PLCB4: variants seen among roughly 807,000 people sequenced by gnomAD.
PLCB4 encodes the protein 1-phosphatidylinositol 4,5-bisphosphate phosphodiesterase beta-4.
In PLCB4, 77 loss-of-function variants were observed where a neutral mutation model predicts 178.8. The ratio of observed to expected loss-of-function variants is 0.43; its 90% CI spans 0.36 to 0.52. The LOEUF (loss-of-function observed/expected upper bound fraction) is 0.52, where lower values mean the gene tolerates loss of function less well. PLCB4 is among the 20% of genes least tolerant of loss of function. PLCB4 has a pLI of 0.00. For synonymous variants in PLCB4, 496 were observed against 490.8 expected, an observed-to-expected ratio of 1.01 and a Z score of -0.14; for missense variants, 1,024 against 1,453.4, an observed-to-expected ratio of 0.70 and a Z score of 4.80.
chr20:9,292,457 C>T (rs551036109), intron 3 of PLCB4, among the ~76,000 whole-genome samples: 1 of 152,222 alleles, frequency 6.6e-6, no homozygotes, highest in Non-Finnish European at 1.5e-5. Context: ...CATCACGCAC[C>T]TCATGAGGAC....
Position 9,472,833 on chromosome 20 carries a change from GAAGA to G in PLCB4, c.3403_3406del (p.Lys1135AspfsTer4), listed in dbSNP as rs1397389504. 1.3e-6 allele frequency: 2 copies of G among 1,592,404 alleles called. No individual in the cohort carries two copies. The highest frequency in any genetic ancestry group is 1.1e-5 in the South Asian group (1 of 88,800). On this transcript the variant is annotated frameshift_variant, in exon 37 of 40. Transcript: ENST00000378473. LOFTEE classifies it high-confidence loss of function. The stretch of plus-strand genomic sequence containing the variant: ...CAGCAGCAACACTAAAAAGTTTCTG[GAAGA>G]AAGAAAGAGAGTAAGTATTTTATTA...
intron 3 of PLCB4, among the ~76,000 whole-genome samples, chr20:9,304,543 AGTT>A (rs1249468875): frequency 5.3e-5 from 8 of 152,286 alleles, no homozygotes; most frequent in African/African-American, 1.9e-4. Context: ...GAGTTATTTA[AGTT>A]GTTGTACTAA....
chr20:9,173,255 G>GA (rs1426746847), intron 2 of PLCB4, among the ~76,000 whole-genome samples: 2 of 152,172 alleles, frequency 1.3e-5, no homozygotes, highest in African/African-American at 4.8e-5. Flanking sequence ...AAAATAAAGA[G>GA]CAGTAGTCAA....
At chr20:9,147,356 A>C (rs969270139) in intron 2 of PLCB4, among the ~76,000 whole-genome samples, 1 of 152,160 alleles carries the variant, frequency 6.6e-6, no homozygotes, top group African/African-American at 2.4e-5. Context: ...TATTCCAAGG[A>C]ATATGTATCC....
At chr20:9,413,454 T>A (rs1356370943) in intron 25 of PLCB4, among the ~76,000 whole-genome samples, 1 of 151,844 alleles carries the variant, frequency 6.6e-6, no homozygotes, top group Non-Finnish European at 1.5e-5. Flanking sequence ...GGTTAGGAGA[T>A]CGAGACCATC....
At chr20:9,274,985 T>G (rs1209937458) in intron 3 of PLCB4, among the ~76,000 whole-genome samples, 3 of 152,042 alleles carry the variant, frequency 2.0e-5, no homozygotes, top group Admixed American at 1.3e-4. Context: ...TTCAGAACTC[T>G]TTGAATGTAA....
At chr20:9,143,699 C>T (rs2092539648) in intron 2 of PLCB4, among the ~76,000 whole-genome samples, 1 of 152,052 alleles carries the variant, frequency 6.6e-6, no homozygotes, top group African/African-American at 2.4e-5. Flanking sequence ...GGCTTTTAAA[C>T]TCTCAGCTGA....
At chr20:9,149,532 C>G (rs918698524) in intron 2 of PLCB4, among the ~76,000 whole-genome samples, 1 of 152,146 alleles carries the variant, frequency 6.6e-6, no homozygotes, top group African/African-American at 2.4e-5. Context: ...CTTCTTGCAA[C>G]GTACTGTGCA....
At position 9,148,795 on chromosome 20, in the gene PLCB4, T is replaced by C. The variant is rs559831583; in HGVS notation, c.-79+52453T>C. On this transcript the variant is annotated intron_variant, in intron 2 of 39. Transcript: ENST00000378473. ...AGTAGCTGTTTTCGTGATGGAAATA[T>C]TTCTGGTCCAACAGATGTGTTTCCC... 2.1e-3 allele frequency among the ~76,000 whole-genome samples: 321 copies of C among 152,348 alleles called. 1 individual carries two copies. The highest frequency in any genetic ancestry group is 3.3e-3 in the Non-Finnish European group (226 of 68,024).
At chr20:9,468,079 T>C (rs1487728819) in intron 35 of PLCB4, among the ~76,000 whole-genome samples, 2 of 152,114 alleles carry the variant, frequency 1.3e-5, no homozygotes, top group Non-Finnish European at 2.9e-5. Context: ...ACATTTTCTC[T>C]CTCTCTTCCA....
chr20:9,194,010 T>TAAA (rs1348688812), intron 2 of PLCB4, among the ~76,000 whole-genome samples: 3 of 151,398 alleles, frequency 2.0e-5, no homozygotes, highest in African/African-American at 7.3e-5. Flanking sequence ...CTTTTTTTTT[T>TAAA]AAAAAAAATT....
intron 3 of PLCB4, among the ~76,000 whole-genome samples, chr20:9,226,879 G>A (rs1026114301): frequency 6.6e-6 from 1 of 152,126 alleles, no homozygotes; most frequent in African/African-American, 2.4e-5. Flanking sequence ...TTTACACAGT[G>A]ACATTTCTGT....
chr20:9,102,416 C>A (rs962531137), intron 2 of PLCB4, among the ~76,000 whole-genome samples: 1 of 152,046 alleles, frequency 6.6e-6, no homozygotes, highest in Non-Finnish European at 1.5e-5. Flanking sequence ...GCAGCAAATG[C>A]GGTGGTTCGA....
rs571265251 is a variant in PLCB4, at chr20:9,182,311, C to T, written c.-78-35079C>T. ...TTCTTATCCTTAGGCTATCAATCAC[C>T]TGCTTCTGGGGCTCTCACAGTTAAA... On this transcript the variant is annotated intron_variant, in intron 2 of 39. Coordinates refer to ENST00000378473, the MANE Select transcript of PLCB4 (RefSeq NM_001377142.1). Among the ~76,000 whole-genome samples, 51 of 152,260 alleles carry T rather than the reference C, an allele frequency of 3.3e-4. 1 individual carries two copies. The highest frequency in any genetic ancestry group is 1.2e-3 in the African/African-American group (49 of 41,542).
At chr20:9,250,924 T>G (rs2094173987) in intron 3 of PLCB4, among the ~76,000 whole-genome samples, 1 of 152,250 alleles carries the variant, frequency 6.6e-6, no homozygotes, top group Non-Finnish European at 1.5e-5. Context: ...TAATCAACAA[T>G]ACTTTCAGAA....
At chr20:9,391,918 T>G (rs1440328415) in intron 17 of PLCB4, among the ~76,000 whole-genome samples, 1 of 152,228 alleles carries the variant, frequency 6.6e-6, no homozygotes, top group Non-Finnish European at 1.5e-5. Context: ...ACACCCTTGA[T>G]GAGCTGCCTG....
intron 7 of PLCB4, among the ~76,000 whole-genome samples, chr20:9,354,092 C>G (rs948506358): frequency 2.0e-5 from 3 of 152,218 alleles, no homozygotes; most frequent in African/African-American, 7.2e-5. Flanking sequence ...TCCTGAATTT[C>G]CTGTGGCTGT....
chr20:9,146,194 A>T (rs2092595655), intron 2 of PLCB4, among the ~76,000 whole-genome samples: 1 of 152,088 alleles, frequency 6.6e-6, no homozygotes. Flanking sequence ...ATTCTTGAAG[A>T]ATTGTTTCGG....
chr20:9,330,921 C>T (rs2031553735), intron 4 of PLCB4, among the ~76,000 whole-genome samples: 1 of 152,188 alleles, frequency 6.6e-6, no homozygotes, highest in South Asian at 2.1e-4. Flanking sequence ...GCTATTTTCT[C>T]ATAAGTACGA....
Sources: allele counts gnomAD v4.1 joint callset (sites outside exome capture counted in the v4.1 genomes callset), GRCh38; gene constraint gnomAD v4.1.1; transcripts MANE v1.5; gene names NCBI Gene and HGNC (gene_info 2026-07-23, HGNC 2026-07-21).